SLC5A11: variants seen among roughly 807,000 people sequenced by gnomAD.
SLC5A11 encodes solute carrier family 5 member 11, also known as sodium/myo-inositol cotransporter 2.
SLC5A11 carries 48 observed loss-of-function variants against 69.8 expected under a neutral mutation model. That is an observed-to-expected ratio of 0.69 (90% CI 0.55 to 0.87). SLC5A11 has a LOEUF of 0.87. Ranked by LOEUF, SLC5A11 falls within the 40% of genes least tolerant of loss-of-function variation. The pLI is 0.00. For synonymous variants in SLC5A11, 319 were observed against 342.4 expected (o/e 0.93, Z 0.75); for missense variants, 784 against 866.1 (o/e 0.91, Z 1.19).
Position 24,855,434 on chromosome 16 carries a change from CAAAAAAA to C in SLC5A11, c.-24-3173_-24-3167del, listed in dbSNP as rs143252263. Among the ~76,000 whole-genome samples, 202 of 90,114 alleles carry C rather than the reference CAAAAAAA, an allele frequency of 2.2e-3. 1 individual carries two copies. The highest frequency in any genetic ancestry group is 6.6e-3 in the African/African-American group (191 of 28,828). The allele number at this position is 90,114 out of a possible 152,430, so 59.1% of individuals were successfully genotyped here. ...CTGAGCAACATAGACTTCATCTCTA[CAAAAAAA>C]AAAAAAAAAAAATTAGCCAGGCATG... On this transcript the variant is annotated intron_variant, in intron 1 of 15. Transcript: ENST00000347898.
At chr16:24,886,584 A>G (rs2048414231) in intron 8 of SLC5A11, among the ~76,000 whole-genome samples, 1 of 152,196 alleles carries the variant, frequency 6.6e-6, no homozygotes, top group Non-Finnish European at 1.5e-5. Context: ...AGGATGATAT[A>G]TCTAGCTAGG....
chr16:24,856,362 G>T (rs2059529215), intron 1 of SLC5A11, among the ~76,000 whole-genome samples: 1 of 152,048 alleles, frequency 6.6e-6, no homozygotes, highest in Non-Finnish European at 1.5e-5. Flanking sequence ...CCTTGGCTGG[G>T]CTGGTAATCC....
chr16:24,886,036 C>CTTT (rs35828435), intron 8 of SLC5A11, among the ~76,000 whole-genome samples: 3 of 139,052 alleles, frequency 2.2e-5, no homozygotes, highest in African/African-American at 2.6e-5. Flanking sequence ...AATAGGAGTT[C>CTTT]TTTTTTTTTT....
chr16:24,893,634 A>G (rs1027309155), intron 9 of SLC5A11, among the ~76,000 whole-genome samples: 1 of 152,044 alleles, frequency 6.6e-6, no homozygotes, highest in African/African-American at 2.4e-5. Flanking sequence ...AAAGTAGTGC[A>G]ATCTCGGCTC....
chr16:24,890,621 T>A (rs555032034), intron 8 of SLC5A11, among the ~76,000 whole-genome samples: 3 of 151,998 alleles, frequency 2.0e-5, no homozygotes, highest in Admixed American at 1.3e-4. Flanking sequence ...TGAATACTTA[T>A]GTCAAACACC....
chr16:24,906,265 T>G (rs1213843015), intron 10 of SLC5A11, among the ~76,000 whole-genome samples: 1 of 145,946 alleles, frequency 6.9e-6, no homozygotes, highest in African/African-American at 2.6e-5. Flanking sequence ...CACTTGAACC[T>G]GGGAAGCAGA....
In SLC5A11 at chr16:24,907,010, C is replaced by T. The variant is rs1342704923; in HGVS notation, c.1115-15C>T. 4 of 1,612,576 alleles carry T rather than the reference C, an allele frequency of 2.5e-6. No individual in the cohort carries two copies. Among genetic ancestry groups the T allele is most frequent in the Non-Finnish European group, 3.4e-6 (4 of 1,179,248 alleles). On this transcript the variant is annotated splice_polypyrimidine_tract_variant and intron_variant, in intron 11 of 15. Coordinates refer to ENST00000347898, the Ensembl canonical transcript of SLC5A11. The stretch of plus-strand genomic sequence containing the variant: ...AGAAAAGGACCGAGGCCCATGACCT[C>T]CCTTCCGCCCCCAGGGCTCCGTGGG...
intron 7 of SLC5A11, among the ~76,000 whole-genome samples, chr16:24,877,793 G>A (rs1255858978): frequency 6.6e-6 from 1 of 152,202 alleles, no homozygotes; most frequent in Non-Finnish European, 1.5e-5. Context: ...AGACCAGCCT[G>A]ACCAACATGG....
rs764700253 is a variant in SLC5A11, at chr16:24,908,595, C to CAAAAAAA, written c.1435-271_1435-265dup. Among the ~76,000 whole-genome samples, 14 of 70,576 alleles carry CAAAAAAA rather than the reference C, an allele frequency of 2.0e-4. 2 individuals are homozygous for CAAAAAAA. The highest frequency in any genetic ancestry group is 2.5e-4 in the Non-Finnish European group (10 of 39,508). 46.3% of individuals were successfully genotyped at this position (70,576 alleles called of 152,430 possible). ...CCTGGGCGACAGAGTGAGACTGTCT[C>CAAAAAAA]AAAAAAAAAAAAAAAAAAAAAGCAA... On this transcript the variant is annotated intron_variant, in intron 13 of 15. Transcript: ENST00000347898.
intron 1 of SLC5A11, among the ~76,000 whole-genome samples, chr16:24,858,326 G>A (rs529060811): frequency 6.6e-6 from 1 of 152,324 alleles, no homozygotes; most frequent in Non-Finnish European, 1.5e-5. Flanking sequence ...CGTGCTTGCT[G>A]AAATCATCTG....
intron 4 of SLC5A11, among the ~76,000 whole-genome samples, chr16:24,871,330 G>A (rs551637681): frequency 6.6e-6 from 1 of 152,244 alleles, no homozygotes; most frequent in Non-Finnish European, 1.5e-5. Context: ...GAGTGCAGTG[G>A]TGTGGTCATG....
Position 24,851,934 on chromosome 16 carries a change from T to C in SLC5A11, c.-25+5496T>C, listed in dbSNP as rs140144290. Among the ~76,000 whole-genome samples, 100 of 152,104 alleles carry C rather than the reference T, an allele frequency of 6.6e-4. 1 individual carries two copies. Among genetic ancestry groups the C allele is most frequent in the Middle Eastern group, 3.4e-3 (1 of 294 alleles). ...ATAATTAAAATTTGTAATTAGTCAT[T>C]GTCATTTTCATTCAGAGCAGGGAAC... On this transcript the variant is annotated intron_variant, in intron 1 of 15. Transcript: ENST00000347898.
chr16:24,885,022 G>A (rs553694548), intron 8 of SLC5A11, among the ~76,000 whole-genome samples: 3 of 152,228 alleles, frequency 2.0e-5, no homozygotes, highest in African/African-American at 4.8e-5. Flanking sequence ...AATTACAAGC[G>A]TGAGCCACTG....
At chr16:24,901,577 T>C (rs2049595883) in intron 10 of SLC5A11, among the ~76,000 whole-genome samples, 1 of 151,894 alleles carries the variant, frequency 6.6e-6, no homozygotes, top group Non-Finnish European at 1.5e-5. Context: ...ATCAGTGCAC[T>C]CCAGCCTGGG....
chr16:24,888,268 C>T (rs2048519006), intron 8 of SLC5A11, among the ~76,000 whole-genome samples: 1 of 152,028 alleles, frequency 6.6e-6, no homozygotes, highest in Non-Finnish European at 1.5e-5. Flanking sequence ...TAATAGCCAT[C>T]TTCTAAATAG....
intron 1 of SLC5A11, among the ~76,000 whole-genome samples, chr16:24,853,134 A>G (rs2059385747): frequency 6.6e-6 from 1 of 151,304 alleles, no homozygotes; most frequent in Non-Finnish European, 1.5e-5. Context: ...CCCAGGGTCT[A>G]GCACAGAACC....
At chr16:24,899,703 G>A (rs1222937110) in intron 10 of SLC5A11, among the ~76,000 whole-genome samples, 2 of 150,884 alleles carry the variant, frequency 1.3e-5, no homozygotes, top group Non-Finnish European at 3.0e-5. Flanking sequence ...CAGCTGGCCT[G>A]CGGTACTTTT....
chr16:24,886,357 A>G (rs2048397828), intron 8 of SLC5A11, among the ~76,000 whole-genome samples: 1 of 150,702 alleles, frequency 6.6e-6, no homozygotes, highest in African/African-American at 2.4e-5. Context: ...GTTCTAATAA[A>G]ATGCAGAGAA....
intron 3 of SLC5A11, among the ~76,000 whole-genome samples, chr16:24,868,610 A>G (rs998948792): frequency 2.3e-4 from 35 of 151,170 alleles, no homozygotes; most frequent in African/African-American, 8.3e-4. Flanking sequence ...AAAAAAAAAA[A>G]AGAGACTCAC....
Sources: gnomAD v4.1 joint callset for allele counts (sites outside exome capture counted in the v4.1 genomes callset) on GRCh38, gnomAD v4.1.1 for gene constraint, MANE v1.5 for transcripts, NCBI Gene and HGNC (gene_info 2026-07-23, HGNC 2026-07-21) for gene names.